The following DDX25 variants were observed in gnomAD, a reference collection of about 807,000 sequenced individuals.
DDX25 encodes ATP-dependent RNA helicase DDX25.
In DDX25, 70 loss-of-function variants were observed where a neutral mutation model predicts 64.6. That is an observed-to-expected ratio of 1.08 (90% CI 0.89 to 1.32). The LOEUF (loss-of-function observed/expected upper bound fraction) is 1.32. DDX25 is among the 40% of genes most tolerant of loss of function. The pLI is 0.00. For synonymous variants in DDX25, 211 were observed against 213.3 expected (o/e 0.99, Z 0.09); for missense variants, 587 against 604.4 (o/e 0.97, Z 0.30).
chr11:125,921,227 T>C lies in DDX25; in HGVS notation c.1238T>C (p.Phe413Ser), dbSNP rs1945110653. 1 of 1,612,550 alleles carries C rather than the reference T, an allele frequency of 6.2e-7. No homozygotes were observed. The highest frequency in any genetic ancestry group is 8.5e-7 in the Non-Finnish European group (1 of 1,179,526). The part of the protein sequence containing the change: ...DVKQVTIVVN[F>S]DLPVKQGEEP... ...AAGCAGGTCACAATTGTTGTGAACT[T>C]TGATCTCCCTGTAAAACAAGGAGAG... The change falls in exon 11 of 12, where the codon TTT becomes TCT. Residue 413 changes from phenylalanine to serine, a missense_variant. Physicochemically the swap from Phe to Ser is radical, Grantham distance 155. Coordinates refer to ENST00000263576, the MANE Select transcript of DDX25 (RefSeq NM_013264.5). The surrounding 1 kb of genome is among the most constrained non-coding windows in gnomAD (Gnocchi z 4.1).
chr11:125,909,177 T>TACCC (rs1223509793), intron 6 of DDX25, among the ~76,000 whole-genome samples: 1 of 152,164 alleles, frequency 6.6e-6, no homozygotes, highest in African/African-American at 2.4e-5. Context: ...ACAAGCTGAG[T>TACCC]ACCCATATGC....
intron 10 of DDX25, among the ~76,000 whole-genome samples, chr11:125,920,526 C>A (rs1432952208): frequency 6.6e-6 from 1 of 152,072 alleles, no homozygotes; most frequent in Non-Finnish European, 1.5e-5. Context: ...CAGACCTTGA[C>A]TGGAGTGTTG....
At position 125,923,033 on chromosome 11, in the gene DDX25, G is replaced by A; in HGVS notation, c.*152G>A. ...CACGGTACTTAGTTTTAAGACATGA[G>A]GTCTTTTTGAAGCCAAATTGATGTG... is the stretch of plus-strand genomic sequence containing the variant. On this transcript the variant is annotated 3_prime_UTR_variant, in exon 12 of 12. Transcript: ENST00000263576. 1.5e-6 allele frequency: 1 copy of A among 655,940 alleles called. No homozygotes were observed. The highest frequency in any genetic ancestry group is 2.5e-6 in the Non-Finnish European group (1 of 398,914). The allele number at this position is 655,940 out of a possible 1,614,324, so 40.6% of individuals were successfully genotyped here.
In DDX25 at chr11:125,917,270, T is replaced by C. The variant is rs1360425016; in HGVS notation, c.1038+19T>C. On this transcript the variant is annotated intron_variant, in intron 9 of 11. Transcript: ENST00000263576. ...CTGCCAGGTACACTCTGTGGATGTG[T>C]CTTCATCGAGCCCAGATATGCCTAC... The C allele has an allele frequency of 2.5e-6, 4 of 1,577,518 alleles. No homozygotes were observed. The East Asian group carries it at 9.2e-5, about 36-fold the overall frequency.
chr11:125,928,634 T>G lies in DDX25; in HGVS notation c.*5753T>G, dbSNP rs1015392440. On this transcript the variant is annotated 3_prime_UTR_variant, in exon 12 of 12. Coordinates refer to ENST00000263576, the MANE Select transcript of DDX25 (RefSeq NM_013264.5). ...GCAAGGGATATTTTCATTTTAAAATTGCTTGGTAACTTTTCTGGTTTATGT... is the reference window on the plus strand; with the variant it reads ...GCAAGGGATATTTTCATTTTAAAATGGCTTGGTAACTTTTCTGGTTTATGT... The G allele has an allele frequency of 3.3e-5, 5 of 152,240 alleles. No homozygotes were observed. The highest frequency in any genetic ancestry group is 3.3e-4 in the Admixed American group (5 of 15,276). 9.4% of individuals were successfully genotyped at this position (152,240 alleles called of 1,614,324 possible).
chr11:125,920,576 G>T (rs983991997), intron 10 of DDX25, among the ~76,000 whole-genome samples: 3 of 152,178 alleles, frequency 2.0e-5, no homozygotes, highest in African/African-American at 7.2e-5. Context: ...GACTTGAGGT[G>T]GCTTGCAGTC....
At chr11:125,918,526 A>C in intron 9 of DDX25, 102 bp from the exon 10 acceptor site, 1 of 1,441,914 alleles carries the variant, frequency 6.9e-7, no homozygotes, top group Non-Finnish European at 9.3e-7. Flanking sequence ...ACTCCTCTGC[A>C]GCCCTCTCCC....
At chr11:125,911,953 C>T (rs546770806) in intron 8 of DDX25, among the ~76,000 whole-genome samples, 48 of 152,234 alleles carry the variant, frequency 3.2e-4, no homozygotes, top group African/African-American at 1.1e-3. Flanking sequence ...ATCAGGATCA[C>T]CTGAGGGATT....
Position 125,921,307 on chromosome 11 carries a change from A to G in DDX25, c.1318A>G (p.Lys440Glu). 2 of 1,613,146 alleles carry G rather than the reference A, an allele frequency of 1.2e-6. No homozygotes were observed. Among genetic ancestry groups the G allele is most frequent in the Non-Finnish European group, 1.7e-6 (2 of 1,179,542 alleles). ...CATAGGGCGGACGGGGCGCTTTGGG[A>G]AAAAAGGCCTTGCCTTCAACATGAT... is the stretch of plus-strand genomic sequence containing the variant. The part of the protein sequence containing the change: ...HRIGRTGRFG[K>E]KGLAFNMIEV... Residue 440 changes from lysine (K) to glutamate (E), a missense_variant, in exon 11 of 12, where the codon AAA (lysine) becomes GAA (glutamate). Physicochemically the swap from Lys to Glu is moderately conservative, Grantham distance 56. Transcript: ENST00000263576. The surrounding 1 kb of genome is among the most constrained non-coding windows in gnomAD (Gnocchi z 4.1).
At chr11:125,905,174 G>C in intron 1 of DDX25, 38 bp from the exon 2 acceptor site, 1 of 1,545,552 alleles carries the variant, frequency 6.5e-7, no homozygotes, top group Non-Finnish European at 8.8e-7. Flanking sequence ...TTGAGGGCTT[G>C]CATCCTAATA....
In DDX25 at chr11:125,920,919, TACACACACACACACAC is replaced by T. The variant is rs3034729; in HGVS notation, c.1202-253_1202-238del. The T allele has an allele frequency of 4.5e-5, 12 of 265,284 alleles. No individual in the cohort carries two copies. In the East Asian group the frequency reaches 7.4e-4, roughly 16 times the overall value. The allele number at this position is 265,284 out of a possible 1,614,324, so 16.4% of individuals were successfully genotyped here. A position where few individuals can be genotyped will look rare whatever the true frequency, so the allele number is the denominator to read the frequency against. Reference sequence around the variant, plus strand: ...GGCACCTCTCCACCACACACACACATACACACACACACACACACACACACACACACACACGCCTTGT... The same window carrying T: ...GGCACCTCTCCACCACACACACACATACACACACACACACACACGCCTTGT... On this transcript the variant is annotated intron_variant, in intron 10 of 11. Coordinates refer to ENST00000263576, the MANE Select transcript of DDX25 (RefSeq NM_013264.5).
In DDX25 at chr11:125,906,228, T is replaced by C; in HGVS notation, c.311+19T>C. The C allele has an allele frequency of 6.6e-7, 1 of 1,523,576 alleles. No homozygotes were observed. The highest frequency in any genetic ancestry group is 8.8e-7 in the Non-Finnish European group (1 of 1,138,308). 94.4% of individuals were successfully genotyped at this position (1,523,576 alleles called of 1,614,324 possible). On this transcript the variant is annotated intron_variant, in intron 4 of 11. Transcript: ENST00000263576. ...TGCGGCTGTGAGTATTTTTACTCTT[T>C]TAATATGGGAAAAATGCTGAAAACC...
At position 125,927,233 on chromosome 11, in the gene DDX25, G is replaced by C. The variant is rs1270391487; in HGVS notation, c.*4352G>C. On this transcript the variant is annotated 3_prime_UTR_variant, in exon 12 of 12. Transcript: ENST00000263576. Reference sequence around the variant, plus strand: ...GTGAACTGGGATGATTCTTGGCTGAGAGATGTCCCATGGTGTTTGGCAAAC... The same window carrying C: ...GTGAACTGGGATGATTCTTGGCTGACAGATGTCCCATGGTGTTTGGCAAAC... The C allele has an allele frequency of 6.6e-6, 1 of 152,256 alleles. No homozygotes were observed. The highest frequency in any genetic ancestry group is 2.4e-5 in the African/African-American group (1 of 41,468). The allele number at this position is 152,256 out of a possible 1,614,324, so 9.4% of individuals were successfully genotyped here.
At position 125,911,476 on chromosome 11, in the gene DDX25, T is replaced by A; in HGVS notation, c.788T>A (p.Ile263Asn). ...IDTQGFSDHS[I>N]RIQRALPSEC... The stretch of plus-strand genomic sequence containing the variant: ...ACTCAAGGATTCTCAGATCATAGTA[T>A]TCGTATTCAAAGGTAATCTTCAGAG... The change falls in exon 8 of 12, where the codon ATT becomes AAT. Residue 263 changes from isoleucine to asparagine, a missense_variant. Transcript: ENST00000263576. 1.2e-6 allele frequency: 2 copies of A among 1,613,818 alleles called. No individual in the cohort carries two copies. The highest frequency in any genetic ancestry group is 1.7e-6 in the Non-Finnish European group (2 of 1,179,802).
At chr11:125,903,607 G>A (rs1944830789), upstream of DDX25, among the ~76,000 whole-genome samples, 3 of 152,328 alleles carry the variant, frequency 2.0e-5, no homozygotes, top group South Asian at 6.2e-4. Context: ...ACGACTAGGT[G>A]CCCTGAGAGT....
At position 125,924,945 on chromosome 11, in the gene DDX25, C is replaced by T. The variant is rs1160095795; in HGVS notation, c.*2064C>T. Reference sequence around the variant, plus strand: ...TCTTGTCCACTCAATACCCCTAACACAGTGCCCAGTGCATTCTAAGTGCCC... The same window carrying T: ...TCTTGTCCACTCAATACCCCTAACATAGTGCCCAGTGCATTCTAAGTGCCC... On this transcript the variant is annotated 3_prime_UTR_variant, in exon 12 of 12. Coordinates refer to ENST00000263576, the MANE Select transcript of DDX25 (RefSeq NM_013264.5). 1.2e-5 allele frequency: 2 copies of T among 161,026 alleles called. No individual in the cohort carries two copies. The highest frequency in any genetic ancestry group is 2.7e-5 in the Non-Finnish European group (2 of 73,204). The allele number at this position is 161,026 out of a possible 1,614,324, so 10.0% of individuals were successfully genotyped here. A position where few individuals can be genotyped will look rare whatever the true frequency, so the allele number is the denominator to read the frequency against.
rs907746898 is a variant in DDX25, at chr11:125,905,256, G to A, written c.108G>A (p.Lys36=). 3.2e-6 allele frequency: 5 copies of A among 1,551,674 alleles called. No individual in the cohort carries two copies. Among genetic ancestry groups the A allele is most frequent in the Non-Finnish European group, 4.4e-6 (5 of 1,147,000 alleles). Residue 36 remains lysine (K), a synonymous_variant, in exon 2 of 12, where the codon AAG becomes AAA. Transcript: ENST00000263576. ...SQPRKNLWGI[K]STAVRNIDGS... ...CCCGGAAGAACCTTTGGGGTATTAA[G>A]AGTACTGCAGTCCGAAACATAGGTG...
chr11:125,906,066 T>A lies in DDX25; in HGVS notation c.176-8T>A, dbSNP rs1353346738. On this transcript the variant is annotated splice_polypyrimidine_tract_variant and splice_region_variant and intron_variant, in intron 3 of 11. Transcript: ENST00000263576. ...TTGATGTCCTCTTTTTTATTTTTGCTTTTCTAGTGGATTTGGCAGCTAATT... is the reference window on the plus strand; with the variant it reads ...TTGATGTCCTCTTTTTTATTTTTGCATTTCTAGTGGATTTGGCAGCTAATT... The A allele has an allele frequency of 1.3e-6, 2 of 1,524,826 alleles. No individual in the cohort carries two copies. Among genetic ancestry groups the A allele is most frequent in the South Asian group, 2.5e-5 (2 of 78,602 alleles). 94.5% of individuals were successfully genotyped at this position (1,524,826 alleles called of 1,614,324 possible). A position where few individuals can be genotyped will look rare whatever the true frequency, so the allele number is the denominator to read the frequency against.
chr11:125,914,690 T>A (rs899690882), intron 8 of DDX25, among the ~76,000 whole-genome samples: 1 of 152,190 alleles, frequency 6.6e-6, no homozygotes, highest in African/African-American at 2.4e-5. Flanking sequence ...TTTTATATAA[T>A]AGCAAATGAA....
Sources: allele counts gnomAD v4.1 joint callset (sites outside exome capture counted in the v4.1 genomes callset), GRCh38; gene constraint gnomAD v4.1.1; non-coding constraint Gnocchi (gnomAD v3.1); transcripts MANE v1.5; gene names NCBI Gene and HGNC (gene_info 2026-07-23, HGNC 2026-07-21).